ATP8A2: variants seen among roughly 807,000 people sequenced by gnomAD.
ATP8A2 encodes ATPase phospholipid transporting 8A2.
Under a neutral mutation model 165.6 loss-of-function variants are expected in ATP8A2, and 100 were observed. The observed-to-expected ratio is 0.60, with a 90% CI of 0.51 to 0.71. ATP8A2 has a LOEUF of 0.71. Ranked by LOEUF, ATP8A2 falls within the 30% of genes least tolerant of loss-of-function variation. ATP8A2 has a pLI of 0.00. For synonymous variants in ATP8A2, 543 were observed against 548.8 expected, an observed-to-expected ratio of 0.99 and a Z score of 0.15; for missense variants, 1,227 against 1,479.5, an observed-to-expected ratio of 0.83 and a Z score of 2.80.
intron 26 of ATP8A2, among the ~76,000 whole-genome samples, chr13:25,769,605 G>C (rs117060314): frequency 0.015 from 2,351 of 152,298 alleles, 28 homozygotes; most frequent in Middle Eastern, 0.027. Flanking sequence ...GCTCATGACA[G>C]CCTTTCTCTA....
chr13:25,500,116 C>T (rs2036807367), intron 2 of ATP8A2, among the ~76,000 whole-genome samples: 1 of 152,124 alleles, frequency 6.6e-6, no homozygotes, highest in Non-Finnish European at 1.5e-5. Context: ...TCAAAGTGCC[C>T]TCCATAAATG....
At chr13:25,792,740 A>T (rs1025884228) in intron 27 of ATP8A2, among the ~76,000 whole-genome samples, 1 of 151,724 alleles carries the variant, frequency 6.6e-6, no homozygotes, top group African/African-American at 2.4e-5. Context: ...GTGAGACCTC[A>T]TCTCTACAAA....
chr13:25,630,438 A>T (rs767333778), intron 24 of ATP8A2, among the ~76,000 whole-genome samples: 12 of 152,108 alleles, frequency 7.9e-5, no homozygotes, highest in Non-Finnish European at 1.6e-4. Flanking sequence ...ATTTGTTGTG[A>T]CACTAATTTC....
At chr13:25,433,063 A>T (rs1457034554) in intron 1 of ATP8A2, among the ~76,000 whole-genome samples, 1 of 152,122 alleles carries the variant, frequency 6.6e-6, no homozygotes, top group Non-Finnish European at 1.5e-5. Context: ...TTTAAATCTG[A>T]TCTGTGGGAG....
chr13:25,732,740 A>G (rs1303347283), intron 25 of ATP8A2, among the ~76,000 whole-genome samples: 1 of 152,192 alleles, frequency 6.6e-6, no homozygotes, highest in Non-Finnish European at 1.5e-5. Context: ...TCTCAAAGGG[A>G]TAACAATTAG....
intron 33 of ATP8A2, among the ~76,000 whole-genome samples, chr13:25,890,836 G>A (rs1953338049): frequency 6.6e-6 from 1 of 152,200 alleles, no homozygotes; most frequent in South Asian, 2.1e-4. Context: ...AGAAGGTATT[G>A]CTTAAAAATG....
rs1362141708 is a variant in ATP8A2, at chr13:25,963,376, AG to A, written c.3272+1714del. Among the ~76,000 whole-genome samples the A allele has an allele frequency of 1.3e-5, 2 of 149,148 alleles. 1 individual carries two copies. Among genetic ancestry groups the A allele is most frequent in the Non-Finnish European group, 3.0e-5 (2 of 67,332 alleles). The stretch of plus-strand genomic sequence containing the variant: ...GCCACTGCACTCCAGCCTGGGCGAC[AG>A]AGCGAGACTCCGTCTCAAAAAAAAA... On this transcript the variant is annotated intron_variant, in intron 34 of 36. Transcript: ENST00000381655.
chr13:25,481,010 G>C (rs2036176557), intron 2 of ATP8A2, among the ~76,000 whole-genome samples: 1 of 152,154 alleles, frequency 6.6e-6, no homozygotes, highest in Admixed American at 6.5e-5. Context: ...ATGAAAACCA[G>C]TCAGGCGTGG....
rs184446073 is a variant in ATP8A2, at chr13:25,611,719, T to A, written c.2211+22020T>A. ...ATTGTGTCAATAGGATTGGTACCAATGCTTTGAATGTCTAATAGAATTCAG... is the reference window on the plus strand; with the variant it reads ...ATTGTGTCAATAGGATTGGTACCAAAGCTTTGAATGTCTAATAGAATTCAG... On this transcript the variant is annotated intron_variant, in intron 24 of 36. Coordinates refer to ENST00000381655, the MANE Select transcript of ATP8A2 (RefSeq NM_016529.6). 3.9e-5 allele frequency among the ~76,000 whole-genome samples: 6 copies of A among 152,266 alleles called. No individual in the cohort carries two copies. The East Asian group carries it at 1.2e-3, about 29-fold the overall frequency.
chr13:25,692,444 G>C (rs550931768), intron 24 of ATP8A2, among the ~76,000 whole-genome samples: 40 of 152,334 alleles, frequency 2.6e-4, no homozygotes, highest in African/African-American at 9.4e-4. Flanking sequence ...GCTCCTACCC[G>C]TGCAGATTTC....
intron 25 of ATP8A2, among the ~76,000 whole-genome samples, chr13:25,738,341 C>T (rs1034353014): frequency 1.0e-4 from 1 of 9,788 alleles, no homozygotes; most frequent in Non-Finnish European, 2.1e-4. Flanking sequence ...GTGCCCCCCT[C>T]CCCCCCCCCC....
chr13:25,456,614 C>T (rs564597976), intron 1 of ATP8A2, among the ~76,000 whole-genome samples: 3 of 152,160 alleles, frequency 2.0e-5, no homozygotes, highest in Non-Finnish European at 4.4e-5. Context: ...GAGTAGTAGG[C>T]AGGCAGAGAA....
At chr13:25,463,841 C>A (rs562261621) in intron 1 of ATP8A2, among the ~76,000 whole-genome samples, 30 of 152,280 alleles carry the variant, frequency 2.0e-4, no homozygotes, top group African/African-American at 6.5e-4. Context: ...CCTCCCCTTC[C>A]ACCCCCTCAT....
intron 35 of ATP8A2, among the ~76,000 whole-genome samples, chr13:25,969,691 T>C (rs1464815648): frequency 6.6e-6 from 1 of 151,472 alleles, no homozygotes; most frequent in African/African-American, 2.4e-5. Flanking sequence ...TGGCATAGAG[T>C]TGAAGTTGTG....
chr13:26,012,237 G>C (rs1956864832), intron 35 of ATP8A2, among the ~76,000 whole-genome samples: 1 of 152,190 alleles, frequency 6.6e-6, no homozygotes, highest in Non-Finnish European at 1.5e-5. Flanking sequence ...TCTCCTTGGA[G>C]AAGTGTCCTG....
intron 2 of ATP8A2, among the ~76,000 whole-genome samples, chr13:25,478,412 A>T (rs949051079): frequency 1.3e-5 from 2 of 152,194 alleles, no homozygotes; most frequent in Non-Finnish European, 2.9e-5. Flanking sequence ...CTAATCAGCA[A>T]CCCTTTCAAG....
At chr13:26,016,208 C>T (rs1956968796) in intron 36 of ATP8A2, among the ~76,000 whole-genome samples, 1 of 152,180 alleles carries the variant, frequency 6.6e-6, no homozygotes, top group South Asian at 2.1e-4. Context: ...AAAGTCTTAG[C>T]GTACAACACG....
chr13:25,551,975 A>G (rs2038837450), intron 11 of ATP8A2, among the ~76,000 whole-genome samples: 1 of 151,896 alleles, frequency 6.6e-6, no homozygotes, highest in South Asian at 2.1e-4. Context: ...AAAAAAGTAT[A>G]TTGATAGTGT....
rs1370416457 is a variant in ATP8A2 at position 25,554,984 on chromosome 13, C to G, written c.1186-7C>G. ...TGAAATCCTGTCTCTTGTTCTCTCT[C>G]TCTCAGGACACAGATATGTATTATA... On this transcript the variant is annotated splice_polypyrimidine_tract_variant and splice_region_variant and intron_variant, in intron 12 of 36. Transcript: ENST00000381655. 1.9e-6 allele frequency: 3 copies of G among 1,570,978 alleles called. No individual in the cohort carries two copies. The highest frequency in any genetic ancestry group is 4.5e-5 in the East Asian group (2 of 44,572).
Sources: gnomAD v4.1 joint callset for allele counts (sites outside exome capture counted in the v4.1 genomes callset) on GRCh38, gnomAD v4.1.1 for gene constraint, MANE v1.5 for transcripts, NCBI Gene and HGNC (gene_info 2026-07-23, HGNC 2026-07-21) for gene names.